MYT1L: variants seen among roughly 807,000 people sequenced by gnomAD.
MYT1L encodes myelin transcription factor 1-like protein.
MYT1L carries 12 observed loss-of-function variants against 126.7 expected under a neutral mutation model. The observed-to-expected ratio is 0.09, with a 90% confidence interval of 0.06 to 0.15. MYT1L has a LOEUF of 0.15. MYT1L is among the 10% of genes least tolerant of loss of function. MYT1L has a pLI of 1.00. For missense variants in MYT1L, 979 were observed against 1,585.2 expected (o/e 0.62, Z 6.49); for synonymous variants, 541 against 604.2 (o/e 0.90, Z 1.53).
At chr2:2,046,973 T>A (rs546707788) in intron 4 of MYT1L, among the ~76,000 whole-genome samples, 1 of 152,364 alleles carries the variant, frequency 6.6e-6, no homozygotes, top group Admixed American at 6.5e-5. Flanking sequence ...CAAATTCATT[T>A]TTATCTCCTC....
chr2:1,792,777 T>G (rs1323443816), intron 23 of MYT1L, among the ~76,000 whole-genome samples: 16 of 147,280 alleles, frequency 1.1e-4, no homozygotes, highest in African/African-American at 3.0e-4. Context: ...GACTGAGACA[T>G]GAGAATAGCT....
chr2:1,805,342 G>A (rs985587606), intron 22 of MYT1L, among the ~76,000 whole-genome samples: 4 of 152,158 alleles, frequency 2.6e-5, no homozygotes, highest in East Asian at 1.9e-4. Context: ...AGTGGATTCC[G>A]GTGGCTTCTC....
chr2:1,905,874 G>T (rs2050984803), intron 13 of MYT1L, among the ~76,000 whole-genome samples: 1 of 152,142 alleles, frequency 6.6e-6, no homozygotes, highest in African/African-American at 2.4e-5. Context: ...AAATCTGAGG[G>T]GTTTTGATTT....
chr2:1,988,792 G>C (rs986082056), intron 5 of MYT1L, among the ~76,000 whole-genome samples: 10 of 152,218 alleles, frequency 6.6e-5, no homozygotes, highest in Non-Finnish European at 1.5e-5. Context: ...GCCTCCCAAA[G>C]TGCTGTGATT....
At chr2:2,317,849 C>T (rs1000554376) in intron 1 of MYT1L, among the ~76,000 whole-genome samples, 4 of 152,176 alleles carry the variant, frequency 2.6e-5, no homozygotes, top group Admixed American at 1.3e-4. Flanking sequence ...TCCTCCTGAC[C>T]GTGCCCTTAG....
intron 3 of MYT1L, among the ~76,000 whole-genome samples, chr2:2,140,488 G>A (rs1251247484): frequency 7.2e-6 from 1 of 139,746 alleles, no homozygotes; most frequent in Non-Finnish European, 1.5e-5. Context: ...AGGCTGGAGT[G>A]CAGTGGCACG....
intron 3 of MYT1L, among the ~76,000 whole-genome samples, chr2:2,162,915 G>A (rs2088260634): frequency 6.6e-6 from 1 of 152,116 alleles, no homozygotes; most frequent in Non-Finnish European, 1.5e-5. Flanking sequence ...TTGCCACCCT[G>A]TGACCTCTTG....
intron 3 of MYT1L, among the ~76,000 whole-genome samples, chr2:2,142,308 T>C (rs1044131455): frequency 6.6e-6 from 1 of 152,196 alleles, no homozygotes; most frequent in Non-Finnish European, 1.5e-5. Flanking sequence ...GTGCCGCGAA[T>C]TGTCATAGCA....
intron 1 of MYT1L, among the ~76,000 whole-genome samples, chr2:2,288,926 T>A (rs940260217): frequency 6.6e-6 from 1 of 152,236 alleles, no homozygotes; most frequent in Non-Finnish European, 1.5e-5. Flanking sequence ...TCAAAGTTAC[T>A]TAATAATAAA....
At position 1,922,822 on chromosome 2, in the gene MYT1L, T is replaced by C; in HGVS notation, c.947A>G (p.Glu316Gly). 1 of 1,614,002 alleles carries C rather than the reference T, an allele frequency of 6.2e-7. No individual in the cohort carries two copies. Among genetic ancestry groups the C allele is most frequent in the Non-Finnish European group, 8.5e-7 (1 of 1,179,894 alleles). Residue 316 changes from glutamate to glycine, a missense_variant, in exon 10 of 25, where the codon GAG becomes GGG. Glu to Gly is a moderately conservative substitution (Grantham distance 98). Around this residue, in one of 12 missense-constraint regions of MYT1L, gnomAD observed 243 missense variants for 363.9 expected, o/e 0.67. Transcript: ENST00000647738. The surrounding 1 kb of genome is among the most constrained non-coding windows in gnomAD (Gnocchi z 7.4). ...MNNGLMEKMV[E>G]ESDEEVCLSS... ...CAGACACACCTCCTCATCGCTCTCC[T>C]CCACCATCTTTTCCATGAGTCCGTT...
intron 3 of MYT1L, among the ~76,000 whole-genome samples, chr2:2,166,137 C>CGTCTCCTTATTTCCTTTCTT (rs2089072773): frequency 6.6e-6 from 1 of 152,126 alleles, no homozygotes; most frequent in Middle Eastern, 3.2e-3. Flanking sequence ...TTTCCTTCCT[C>CGTCTCCTTATTTCCTTTCTT]GTCTCCTTAT....
chr2:2,216,974 A>C (rs1383576969), intron 2 of MYT1L, among the ~76,000 whole-genome samples: 2 of 152,208 alleles, frequency 1.3e-5, no homozygotes, highest in African/African-American at 4.8e-5. Context: ...AAGCTCACTC[A>C]ATAAGAAATA....
chr2:2,162,429 G>A (rs765971939), intron 3 of MYT1L, among the ~76,000 whole-genome samples: 19 of 152,142 alleles, frequency 1.2e-4, no homozygotes, highest in African/African-American at 4.1e-4. Flanking sequence ...GGTGGTGCTC[G>A]TGGTCCACAG....
intron 2 of MYT1L, among the ~76,000 whole-genome samples, chr2:2,226,484 G>A (rs777402673): frequency 5.3e-5 from 8 of 152,132 alleles, no homozygotes; most frequent in Non-Finnish European, 1.0e-4. Flanking sequence ...CGTCCACCCT[G>A]GGGATGTGCT....
intron 3 of MYT1L, among the ~76,000 whole-genome samples, chr2:2,150,628 G>C (rs1484690511): frequency 1.3e-5 from 2 of 151,992 alleles, no homozygotes. Context: ...AATTTATTTT[G>C]ATCTCTAACC....
chr2:2,128,308 G>T (rs917581254), intron 3 of MYT1L, among the ~76,000 whole-genome samples: 5 of 152,132 alleles, frequency 3.3e-5, no homozygotes, highest in African/African-American at 9.6e-5. Flanking sequence ...CACCACGCCT[G>T]GCTAATTTTT....
chr2:2,085,335 T>C (rs1255827478), intron 3 of MYT1L, among the ~76,000 whole-genome samples: 1 of 152,102 alleles, frequency 6.6e-6, no homozygotes, highest in Non-Finnish European at 1.5e-5. Flanking sequence ...CTGTCCCTAT[T>C]TGGCACAAAT....
rs1209199727 is a variant in MYT1L, at chr2:1,922,538, C to T, written c.1231G>A (p.Asp411Asn). The change falls in exon 10 of 25, where the codon GAT becomes AAT. Residue 411 changes from aspartate to asparagine, a missense_variant. By Grantham distance (23) the Asp-to-Asn change is conservative. Coordinates refer to ENST00000647738, the MANE Select transcript of MYT1L (RefSeq NM_001303052.2). This position sits in a 1 kb window ranked among gnomAD's most constrained non-coding sequence, Gnocchi z 7.4. ...CTGTCCGAGTTCACAGAGGTGGTAT[C>T]GTCGTCCCGCTCATGACACCCATCC... ...KEDGCHERDD[D>N]TTSVNSDRSE... 3.1e-6 allele frequency: 5 copies of T among 1,613,842 alleles called. No homozygotes were observed. The highest frequency in any genetic ancestry group is 4.2e-6 in the Non-Finnish European group (5 of 1,179,904).
chr2:2,305,059 T>C (rs1326980122), intron 1 of MYT1L, among the ~76,000 whole-genome samples: 1 of 152,242 alleles, frequency 6.6e-6, no homozygotes, highest in Non-Finnish European at 1.5e-5. Context: ...TTATTTACTA[T>C]ATTGGGCTAA....
Sources: allele counts gnomAD v4.1 joint callset (sites outside exome capture counted in the v4.1 genomes callset), GRCh38; gene constraint gnomAD v4.1.1; regional missense constraint gnomAD v4.1.1; non-coding constraint Gnocchi (gnomAD v3.1); transcripts MANE v1.5; gene names NCBI Gene and HGNC (gene_info 2026-07-23, HGNC 2026-07-21).